NADSYN1: variants seen among roughly 807,000 people sequenced by gnomAD.
NADSYN1 encodes the protein glutamine-dependent NAD(+) synthetase.
A neutral mutation model predicts 99.3 loss-of-function variants in NADSYN1; 80 were observed. That is an observed-to-expected ratio of 0.81 (90% CI 0.67 to 0.97). NADSYN1 has a LOEUF of 0.97. Among genes scored for constraint, NADSYN1 ranks in the 50% least tolerant of loss-of-function variants. The pLI, the probability that NADSYN1 is intolerant of heterozygous loss-of-function variation, is 0.00. For synonymous variants in NADSYN1, 385 were observed against 372.1 expected (o/e 1.03, Z -0.40); for missense variants, 859 against 948.5 (o/e 0.91, Z 1.24).
intron 2 of NADSYN1, among the ~76,000 whole-genome samples, chr11:71,457,864 C>T (rs989513797): frequency 3.9e-5 from 6 of 152,182 alleles, no homozygotes; most frequent in Admixed American, 1.3e-4. Flanking sequence ...GTGATCTCAT[C>T]TTGGGATACT....
At chr11:71,480,948 T>G in intron 11 of NADSYN1, 69 bp downstream of exon 11, 1 of 1,588,868 alleles carries the variant, frequency 6.3e-7, no homozygotes, top group Non-Finnish European at 8.6e-7. Flanking sequence ...TGGGGACTCC[T>G]GGAGGTCACG....
intron 5 of NADSYN1, among the ~76,000 whole-genome samples, chr11:71,464,807 G>A (rs1029775325): frequency 6.9e-6 from 1 of 144,724 alleles, no homozygotes; most frequent in African/African-American, 2.6e-5. Context: ...GCAAGAGCTT[G>A]CAGTGAGCCG....
At chr11:71,488,045 G>A (rs1447938844) in intron 16 of NADSYN1, among the ~76,000 whole-genome samples, 3 of 151,962 alleles carry the variant, frequency 2.0e-5, no homozygotes, top group African/African-American at 7.2e-5. Flanking sequence ...CTTCCTCTGT[G>A]TTCTGGCAAG....
At chr11:71,492,847 A>G (rs1044555769) in intron 18 of NADSYN1, among the ~76,000 whole-genome samples, 2 of 151,648 alleles carry the variant, frequency 1.3e-5, no homozygotes, top group Non-Finnish European at 2.9e-5. Flanking sequence ...ATCCATGAAC[A>G]TGGGACATGG....
At chr11:71,489,482 G>C (rs1431703999) in intron 16 of NADSYN1, among the ~76,000 whole-genome samples, 1 of 152,204 alleles carries the variant, frequency 6.6e-6, no homozygotes, top group African/African-American at 2.4e-5. Context: ...GATTTCCCCA[G>C]ACTGTGCTCT....
At chr11:71,498,994 C>CTTTT (rs1565609383) in intron 20 of NADSYN1, 1 of 154,608 alleles carries the variant, frequency 6.5e-6, no homozygotes, top group South Asian at 2.0e-4. Flanking sequence ...TCTCTGCTTC[C>CTTTT]ACAAGATCAC....
intron 3 of NADSYN1, among the ~76,000 whole-genome samples, chr11:71,460,435 C>T (rs1949543626): frequency 6.6e-6 from 1 of 152,218 alleles, no homozygotes. Flanking sequence ...ACTGCAGCCT[C>T]GACCTCCTGG....
chr11:71,464,099 A>C lies in NADSYN1; in HGVS notation c.364A>C (p.Asn122His), dbSNP rs959657844. 30 of 1,612,506 alleles carry C rather than the reference A, an allele frequency of 1.9e-5. No homozygotes were observed. Among genetic ancestry groups the C allele is most frequent in the Non-Finnish European group, 2.4e-5 (28 of 1,179,426 alleles). Residue 122 changes from asparagine (N) to histidine (H), a missense_variant, in exon 5 of 21, where the codon AAC becomes CAC. Asn to His is a moderately conservative substitution (Grantham distance 68, BLOSUM62 1). Coordinates refer to ENST00000319023, the MANE Select transcript of NADSYN1 (RefSeq NM_018161.5). The stretch of plus-strand genomic sequence containing the variant: ...CAAGATGGCCTTGGCCAATGAAGGC[A>C]ACTACCGCGAGCTGCGCTGGTTCAC... ...RPKMALANEG[N>H]YRELRWFTPW...
chr11:71,468,319 T>C (rs961871317), intron 5 of NADSYN1, among the ~76,000 whole-genome samples: 4 of 152,214 alleles, frequency 2.6e-5, no homozygotes, highest in African/African-American at 9.7e-5. Flanking sequence ...CAAATGGGAC[T>C]GTATGAAACA....
At chr11:71,478,049 TGG>T (rs1052179821) in intron 9 of NADSYN1, among the ~76,000 whole-genome samples, 2 of 149,784 alleles carry the variant, frequency 1.3e-5, no homozygotes, top group African/African-American at 4.9e-5. Context: ...CTTACTGACA[TGG>T]GGGTGTCTTA....
chr11:71,458,957 T>C (rs1949530995), intron 3 of NADSYN1: 1 of 207,344 alleles, frequency 4.8e-6, no homozygotes, highest in Non-Finnish European at 1.0e-5. Context: ...CTCTGCATGC[T>C]CCATGCTGGT....
intron 16 of NADSYN1, 86 bp from the exon 17 acceptor site, chr11:71,490,759 C>T: frequency 6.4e-7 from 1 of 1,556,790 alleles, no homozygotes. Context: ...TTCAGGGCCC[C>T]TGGAAGAAGC....
intron 18 of NADSYN1, among the ~76,000 whole-genome samples, chr11:71,493,762 G>C (rs536903476): frequency 5.1e-4 from 77 of 152,288 alleles, no homozygotes; most frequent in African/African-American, 1.7e-3. Context: ...GTTAATTCTT[G>C]TGTGTGGCAG....
rs1017862679 is a variant in NADSYN1 at position 71,495,491 on chromosome 11, G to A, written c.1765-1992G>A. ...TGCCCTTGGGAGGAAGGTGGGTTCC[G>A]CTGCCGCTGGGTGCAGTGCCCTGCA... On this transcript the variant is annotated intron_variant, in intron 18 of 20. Transcript: ENST00000319023. Among the ~76,000 whole-genome samples the A allele has an allele frequency of 3.3e-5, 5 of 152,238 alleles. 1 individual carries two copies. The highest frequency in any genetic ancestry group is 4.1e-4 in the South Asian group (2 of 4,836).
intron 12 of NADSYN1, 23 bp from the exon 13 acceptor site, chr11:71,481,900 G>C (rs777071294): frequency 2.5e-6 from 4 of 1,604,796 alleles, no homozygotes; most frequent in Non-Finnish European, 2.6e-6. Flanking sequence ...CTCTGCTCAC[G>C]CTGTCTGATT....
In NADSYN1 at chr11:71,464,133, C is replaced by G. The variant is rs756803878; in HGVS notation, c.398C>G (p.Ser133Trp). Residue 133 changes from serine to tryptophan, a missense_variant, in exon 5 of 21, where the codon TCG becomes TGG. Transcript: ENST00000319023. ...YRELRWFTPW[S>W]RSRHTEEYFL... ...GAGCTGCGCTGGTTCACCCCGTGGT[C>G]GAGGAGTCGGTGAGTCGGGTGCCTG... 1 of 1,608,698 alleles carries G rather than the reference C, an allele frequency of 6.2e-7. No individual in the cohort carries two copies. The highest frequency in any genetic ancestry group is 8.5e-7 in the Non-Finnish European group (1 of 1,177,766).
At chr11:71,455,729 T>C (rs764523326) in intron 2 of NADSYN1, among the ~76,000 whole-genome samples, 16 of 152,226 alleles carry the variant, frequency 1.1e-4, no homozygotes, top group Non-Finnish European at 2.1e-4. Flanking sequence ...TCCAGAACTG[T>C]GAGCAATACA....
intron 5 of NADSYN1, among the ~76,000 whole-genome samples, chr11:71,470,000 A>G (rs1317021253): frequency 6.6e-6 from 1 of 151,340 alleles, no homozygotes; most frequent in African/African-American, 2.4e-5. Flanking sequence ...AGACTGGGTA[A>G]TTTGTAAAGA....
At position 71,485,559 on chromosome 11, in the gene NADSYN1, C is replaced by A; in HGVS notation, c.1473C>A (p.Val491=). Residue 491 remains valine, a synonymous_variant, in exon 16 of 21, where the codon GTC becomes GTA. Transcript: ENST00000319023. The part of the protein sequence containing the change: ...LQNVQARIRM[V]LAYLFAQLSL... ...TTTTCCAGGCTCGAATACGGATGGT[C>A]CTCGCCTATCTGTTTGCTCAGTTGA... is the stretch of plus-strand genomic sequence containing the variant. 1.3e-6 allele frequency: 2 copies of A among 1,560,074 alleles called. No individual in the cohort carries two copies. The highest frequency in any genetic ancestry group is 1.2e-5 in the South Asian group (1 of 84,726).
Sources: allele counts gnomAD v4.1 joint callset (sites outside exome capture counted in the v4.1 genomes callset), GRCh38; gene constraint gnomAD v4.1.1; transcripts MANE v1.5; gene names NCBI Gene and HGNC (gene_info 2026-07-23, HGNC 2026-07-21).